Variants in SGCD observed in about 807,000 individuals in gnomAD.
SGCD encodes sarcoglycan delta.
In SGCD, 18 loss-of-function variants were observed where a neutral mutation model predicts 36.6. The observed-to-expected ratio is 0.49, with a 90% CI of 0.34 to 0.73. The LOEUF (loss-of-function observed/expected upper bound fraction) is 0.73, where lower values mean the gene tolerates loss of function less well. Among genes scored for constraint, SGCD ranks in the 30% least tolerant of loss-of-function variants. SGCD has a pLI of 0.01. For missense variants in SGCD, 387 were observed against 346.7 expected, an observed-to-expected ratio of 1.12 and a Z score of -0.92; for synonymous variants, 133 against 130.6, an observed-to-expected ratio of 1.02 and a Z score of -0.12.
intron 3 of SGCD, among the ~76,000 whole-genome samples, chr5:156,310,062 C>A (rs1042978342): frequency 6.6e-6 from 1 of 151,816 alleles, no homozygotes; most frequent in Admixed American, 6.6e-5. Flanking sequence ...ATTTTTGTAC[C>A]CAGAATTAGC....
intron 1 of SGCD, among the ~76,000 whole-genome samples, chr5:156,048,440 C>T (rs1759828356): frequency 6.6e-6 from 1 of 152,222 alleles, no homozygotes; most frequent in African/African-American, 2.4e-5. Flanking sequence ...GTCCCACCAA[C>T]AGTGTCAAAG....
the SGCD span, among the ~76,000 whole-genome samples, chr5:155,736,534 T>C: frequency 6.6e-6 from 1 of 152,226 alleles, no homozygotes; most frequent in African/African-American, 2.4e-5. Flanking sequence ...GCTAATTCTT[T>C]AGGCCTTCAA....
At chr5:156,175,931 G>A (rs943489239) in intron 3 of SGCD, among the ~76,000 whole-genome samples, 6 of 151,042 alleles carry the variant, frequency 4.0e-5, no homozygotes, top group South Asian at 4.2e-4. Context: ...CATACATGCG[G>A]CTATTTTTCT....
chr5:156,112,663 G>A (rs142814547), intron 1 of SGCD, among the ~76,000 whole-genome samples: 252 of 152,234 alleles, frequency 1.7e-3, no homozygotes, highest in African/African-American at 5.9e-3. Context: ...GTAATATTAT[G>A]CCCCTTCTAC....
chr5:156,739,776 C>G (rs1469872611), intron 7 of SGCD: 1 of 152,110 alleles, frequency 6.6e-6, no homozygotes, highest in Non-Finnish European at 1.5e-5. Context: ...GAATCAGAGA[C>G]CTGGGTTTAA....
intron 3 of SGCD, among the ~76,000 whole-genome samples, chr5:156,211,347 C>A (rs908772032): frequency 1.3e-5 from 2 of 152,100 alleles, no homozygotes; most frequent in African/African-American, 4.8e-5. Context: ...GTGGCTCAAG[C>A]CTGTAATCCC....
chr5:156,673,725 T>A (rs1753398322), intron 7 of SGCD, among the ~76,000 whole-genome samples: 1 of 152,198 alleles, frequency 6.6e-6, no homozygotes, highest in African/African-American at 2.4e-5. Context: ...CTTAAAAATG[T>A]GAATTATAGT....
intron 3 of SGCD, among the ~76,000 whole-genome samples, chr5:156,356,656 A>G (rs1222236189): frequency 2.0e-5 from 3 of 152,162 alleles, no homozygotes; most frequent in Non-Finnish European, 4.4e-5. Context: ...GGGAGATTGT[A>G]ATGGATTGAA....
intron 1 of SGCD, among the ~76,000 whole-genome samples, chr5:155,921,262 C>T (rs1756871924): frequency 6.6e-6 from 1 of 152,030 alleles, no homozygotes; most frequent in African/African-American, 2.4e-5. Flanking sequence ...ATTTGAGGGA[C>T]AGCAGTTTCT....
chr5:156,198,143 ATTCT>A (rs1764063711), intron 3 of SGCD, among the ~76,000 whole-genome samples: 1 of 152,058 alleles, frequency 6.6e-6, no homozygotes, highest in Non-Finnish European at 1.5e-5. Flanking sequence ...AACTGTGTTT[ATTCT>A]TTCTATCTTT....
chr5:156,568,380 C>CAAAT (rs1388690565), intron 4 of SGCD, among the ~76,000 whole-genome samples: 61 of 152,220 alleles, frequency 4.0e-4, no homozygotes, highest in South Asian at 2.1e-4. Context: ...GACTCCATCT[C>CAAAT]AAATAAATAA....
chr5:156,224,765 A>G (rs535836201), intron 3 of SGCD, among the ~76,000 whole-genome samples: 61 of 152,282 alleles, frequency 4.0e-4, no homozygotes, highest in African/African-American at 1.5e-3. Flanking sequence ...TCAAAAGGCC[A>G]CATGCCTTTG....
At chr5:156,215,737 A>T (rs774892622) in intron 3 of SGCD, among the ~76,000 whole-genome samples, 3 of 152,146 alleles carry the variant, frequency 2.0e-5, no homozygotes, top group Admixed American at 2.0e-4. Flanking sequence ...GTGGGAATAA[A>T]ATAGTATAGC....
chr5:156,537,433 C>T (rs1758161858), intron 4 of SGCD, among the ~76,000 whole-genome samples: 1 of 145,636 alleles, frequency 6.9e-6, no homozygotes, highest in African/African-American at 2.5e-5. Flanking sequence ...CCTGTTCTCA[C>T]TGGGCTTGAG....
chr5:155,865,036 C>T, the SGCD span, among the ~76,000 whole-genome samples: 2 of 151,610 alleles, frequency 1.3e-5, no homozygotes, highest in South Asian at 2.1e-4. Context: ...CTTTTAAAAC[C>T]TATTGAGGAC....
chr5:156,365,868 A>G (rs1770072084), intron 3 of SGCD, among the ~76,000 whole-genome samples: 1 of 151,886 alleles, frequency 6.6e-6, no homozygotes, highest in Non-Finnish European at 1.5e-5. Flanking sequence ...GGGTATGTGT[A>G]TACATTCATA....
chr5:156,393,868 G>A (rs1771714834), intron 3 of SGCD: 2 of 455,862 alleles, frequency 4.4e-6, no homozygotes, highest in Non-Finnish European at 8.8e-6. Context: ...TGCTGCTGGT[G>A]AGTTTTGTAC....
intron 1 of SGCD, among the ~76,000 whole-genome samples, chr5:155,881,319 T>TAAATAAATAAATAAATAAAG (rs1755879920): frequency 6.6e-6 from 1 of 150,488 alleles, no homozygotes; most frequent in Admixed American, 6.6e-5. Flanking sequence ...AATAAATAAA[T>TAAATAAATAAATAAATAAAG]AAATAAAGAA....
intron 3 of SGCD, among the ~76,000 whole-genome samples, chr5:156,500,825 G>A (rs1227966825): frequency 6.6e-6 from 1 of 152,120 alleles, no homozygotes; most frequent in African/African-American, 2.4e-5. Context: ...AGTGGAATGT[G>A]AAAAATAGCA....
Sources: gnomAD v4.1 joint callset for allele counts (sites outside exome capture counted in the v4.1 genomes callset) on GRCh38, gnomAD v4.1.1 for gene constraint, MANE v1.5 for transcripts, NCBI Gene and HGNC (gene_info 2026-07-23, HGNC 2026-07-21) for gene names.